Variants in NFX1 observed in about 807,000 individuals in gnomAD.
The protein encoded by NFX1 is nuclear transcription factor, X-box binding 1, also known as transcriptional repressor NF-X1.
Under a neutral mutation model 137.2 loss-of-function variants are expected in NFX1, and 69 were observed. The ratio of observed to expected loss-of-function variants is 0.50; its 90% confidence interval spans 0.41 to 0.61. NFX1 has a LOEUF of 0.61. Among genes scored for constraint, NFX1 ranks in the 20% least tolerant of loss-of-function variants. The pLI, the probability that NFX1 is intolerant of heterozygous loss-of-function variation, is 0.00. For synonymous variants in NFX1, 495 were observed against 474.1 expected (o/e 1.04, Z -0.57); for missense variants, 1,167 against 1,391.0 (o/e 0.84, Z 2.56).
intron 7 of NFX1, among the ~76,000 whole-genome samples, chr9:33,317,100 C>A (rs997678968): frequency 6.6e-6 from 1 of 151,936 alleles, no homozygotes; most frequent in Non-Finnish European, 1.5e-5. Context: ...ATTAAATGAA[C>A]AAATGAGTTT....
At chr9:33,353,431 T>TTCATATATATC (rs1823710955) in intron 17 of NFX1, among the ~76,000 whole-genome samples, 6 of 152,040 alleles carry the variant, frequency 3.9e-5, no homozygotes, top group Admixed American at 3.9e-4. Flanking sequence ...TGGTTATATA[T>TTCATATATATC]ATATATATCT....
Position 33,318,791 on chromosome 9 carries a change from A to G in NFX1, c.1649A>G (p.Asp550Gly). ...TGTGGAACCGATGTAGGAAAGTCTG[A>G]TGGATTTGGGGATTTCAGCTGTTTA... ...VLCGTDVGKS[D>G]GFGDFSCLKI... The change falls in exon 8 of 24, where the codon GAT becomes GGT. Residue 550 changes from aspartate to glycine, a missense_variant. Physicochemically the swap from Asp to Gly is moderately conservative, Grantham distance 94. Around this residue, in one of 3 missense-constraint regions of NFX1, gnomAD observed 488 missense variants for 691.5 expected, o/e 0.71. Coordinates refer to ENST00000379540, the MANE Select transcript of NFX1 (RefSeq NM_002504.6). The G allele has an allele frequency of 6.2e-7, 1 of 1,614,142 alleles. No homozygotes were observed. The highest frequency in any genetic ancestry group is 8.5e-7 in the Non-Finnish European group (1 of 1,180,032).
intron 5 of NFX1, among the ~76,000 whole-genome samples, chr9:33,309,388 A>G (rs938544862): frequency 4.0e-5 from 6 of 151,880 alleles, no homozygotes; most frequent in Non-Finnish European, 5.9e-5. Flanking sequence ...AATCCTCTGC[A>G]TGGACTATTT....
rs753889264 is a variant in NFX1, at chr9:33,347,032, C to T, written c.2345-6C>T. 46 of 1,607,248 alleles carry T rather than the reference C, an allele frequency of 2.9e-5. No homozygotes were observed. The highest frequency in any genetic ancestry group is 3.9e-5 in the Non-Finnish European group (46 of 1,174,612). ...TATTCCTAAAGTTACCTTTCTCTTT[C>T]TGCAGTATATCATTCTTGTCATAGT... On this transcript the variant is annotated splice_polypyrimidine_tract_variant and splice_region_variant and intron_variant, in intron 14 of 23. Transcript: ENST00000379540.
intron 7 of NFX1, among the ~76,000 whole-genome samples, chr9:33,317,713 C>T (rs989043205): frequency 2.0e-5 from 3 of 151,430 alleles, no homozygotes; most frequent in African/African-American, 2.4e-5. Flanking sequence ...TGGTGGCTCA[C>T]GCCTGTAGTC....
intron 12 of NFX1, among the ~76,000 whole-genome samples, chr9:33,340,275 C>G (rs889837169): frequency 6.6e-6 from 1 of 152,236 alleles, no homozygotes; most frequent in Non-Finnish European, 1.5e-5. Context: ...TCTGTGCACC[C>G]GCAGGCTCAG....
chr9:33,346,068 G>T (rs1823409738), intron 14 of NFX1, among the ~76,000 whole-genome samples: 1 of 152,190 alleles, frequency 6.6e-6, no homozygotes, highest in African/African-American at 2.4e-5. Context: ...GAGTAAAACA[G>T]AACTTAACAA....
At chr9:33,341,648 C>G (rs547917042) in intron 12 of NFX1, among the ~76,000 whole-genome samples, 1 of 152,240 alleles carries the variant, frequency 6.6e-6, no homozygotes, top group East Asian at 1.9e-4. Flanking sequence ...AAAAAATTTG[C>G]AGCCAGGCAT....
Position 33,364,001 on chromosome 9 carries a change from C to T in NFX1, c.2874-9C>T. On this transcript the variant is annotated splice_polypyrimidine_tract_variant and intron_variant, in intron 19 of 23. Transcript: ENST00000379540. ...TCCTTTTATTTGCATACCTCTCTCT[C>T]TCTTTCAGGAGATTAGCAGAGGCAT... is the stretch of plus-strand genomic sequence containing the variant. 1 of 1,560,000 alleles carries T rather than the reference C, an allele frequency of 6.4e-7. No individual in the cohort carries two copies. The highest frequency in any genetic ancestry group is 2.4e-5 in the East Asian group (1 of 42,424).
intron 19 of NFX1, among the ~76,000 whole-genome samples, chr9:33,358,647 ATTTTTTTT>A (rs61589629): frequency 3.3e-3 from 158 of 48,470 alleles, no homozygotes; most frequent in Non-Finnish European, 4.9e-3. Flanking sequence ...GAATGGCTTG[ATTTTTTTT>A]TTTTTTTTTT....
chr9:33,335,433 A>G (rs993259569), intron 11 of NFX1, among the ~76,000 whole-genome samples: 1 of 151,748 alleles, frequency 6.6e-6, no homozygotes, highest in Non-Finnish European at 1.5e-5. Flanking sequence ...GGGTTTCACC[A>G]TGTTGCCCAG....
chr9:33,339,213 C>T (rs1042097544), intron 12 of NFX1, among the ~76,000 whole-genome samples: 1 of 151,704 alleles, frequency 6.6e-6, no homozygotes, highest in African/African-American at 2.4e-5. Context: ...AAAGACATAC[C>T]CAAGACTAGG....
At chr9:33,331,215 A>AGATTTTTCATGAATATG (rs1188904356) in intron 10 of NFX1, among the ~76,000 whole-genome samples, 5 of 152,204 alleles carry the variant, frequency 3.3e-5, no homozygotes, top group Admixed American at 2.6e-4. Context: ...TTGTTTAACT[A>AGATTTTTCATGAATATG]GATTTTTCAT....
intron 5 of NFX1, among the ~76,000 whole-genome samples, chr9:33,308,967 T>TA (rs1046785105): frequency 6.6e-6 from 1 of 152,206 alleles, no homozygotes; most frequent in Non-Finnish European, 1.5e-5. Flanking sequence ...GGCAGTCAGA[T>TA]ACCTCATTCC....
At chr9:33,328,882 A>G (rs946924751) in intron 10 of NFX1, among the ~76,000 whole-genome samples, 1 of 152,214 alleles carries the variant, frequency 6.6e-6, no homozygotes, top group Non-Finnish European at 1.5e-5. Context: ...AAAGGGGAAC[A>G]GTAGCACTGT....
chr9:33,314,791 A>G (rs967138896), intron 7 of NFX1, among the ~76,000 whole-genome samples: 4 of 152,208 alleles, frequency 2.6e-5, no homozygotes, highest in East Asian at 1.9e-4. Flanking sequence ...AAGGGACACA[A>G]ATTTTCTGGG....
chr9:33,353,149 T>A (rs1215556128), intron 17 of NFX1, among the ~76,000 whole-genome samples: 1 of 152,228 alleles, frequency 6.6e-6, no homozygotes, highest in East Asian at 1.9e-4. Flanking sequence ...AAAATAACTT[T>A]GAAATTTCTC....
intron 16 of NFX1, chr9:33,352,401 C>T: frequency 1.6e-6 from 1 of 613,664 alleles, no homozygotes; most frequent in South Asian, 1.5e-5. Context: ...AGGCCTGCCC[C>T]TTCAGCCAGG....
intron 12 of NFX1, among the ~76,000 whole-genome samples, chr9:33,341,471 T>C (rs1443226695): frequency 1.3e-5 from 2 of 152,170 alleles, no homozygotes; most frequent in East Asian, 3.8e-4. Flanking sequence ...TGTATATATA[T>C]ATACATAAAC....
Sources: allele counts gnomAD v4.1 joint callset (sites outside exome capture counted in the v4.1 genomes callset), GRCh38; gene constraint gnomAD v4.1.1; regional missense constraint gnomAD v4.1.1; transcripts MANE v1.5; gene names NCBI Gene and HGNC (gene_info 2026-07-23, HGNC 2026-07-21).